Variants in RAP1GAP2 observed in about 807,000 individuals in gnomAD.
The protein encoded by RAP1GAP2 is rap1 GTPase-activating protein 2.
A neutral mutation model predicts 95.0 loss-of-function variants in RAP1GAP2; 27 were observed. That is an observed-to-expected ratio of 0.28 (90% confidence interval 0.21 to 0.39). The LOEUF is 0.39. RAP1GAP2 is among the 10% of genes least tolerant of loss of function. The pLI, the probability that RAP1GAP2 is intolerant of heterozygous loss-of-function variation, is 1.00. For synonymous variants in RAP1GAP2, 373 were observed against 380.9 expected, an observed-to-expected ratio of 0.98 and a Z score of 0.24; for missense variants, 771 against 970.0, an observed-to-expected ratio of 0.79 and a Z score of 2.72.
chr17:2,796,505 C>T lies in RAP1GAP2; in HGVS notation c.-23C>T, dbSNP rs1474591742. On this transcript the variant is annotated 5_prime_UTR_variant, in exon 1 of 25. Transcript: ENST00000254695. This position sits in a 1 kb window ranked among gnomAD's most constrained non-coding sequence, Gnocchi z 4.7. ...GGACGTCGTTGGGACATCGCTGGGA[C>T]CCCGGGCTCTGCAGCCACAACCATG... The T allele has an allele frequency of 1.5e-5, 23 of 1,554,288 alleles. No homozygotes were observed. Among genetic ancestry groups the T allele is most frequent in the Non-Finnish European group, 2.0e-5 (23 of 1,148,774 alleles).
rs77604826 is a variant in RAP1GAP2 at position 2,986,542 on chromosome 17, T to A, written c.813+1476T>A. On this transcript the variant is annotated intron_variant, in intron 11 of 24. Coordinates refer to ENST00000254695, the MANE Select transcript of RAP1GAP2 (RefSeq NM_015085.5). ...TGGAGGAAAAAGCCAAGAAGATAAT[T>A]TTTTTTTTTTTTTTTAAGAACCTAG... 6.8e-3 allele frequency among the ~76,000 whole-genome samples: 1,002 copies of A among 148,000 alleles called. 7 individuals are homozygous for A. Among genetic ancestry groups the A allele is most frequent in the African/African-American group, 0.021 (845 of 40,676 alleles).
rs781757202 is a variant in RAP1GAP2 at position 2,871,483 on chromosome 17, G to A, written c.81-33801G>A. Among the ~76,000 whole-genome samples the A allele has an allele frequency of 3.3e-5, 5 of 152,170 alleles. No individual in the cohort carries two copies. Among genetic ancestry groups the A allele is most frequent in the Non-Finnish European group, 4.4e-5 (3 of 68,020 alleles). On this transcript the variant is annotated intron_variant, in intron 2 of 24. Coordinates refer to ENST00000254695, the MANE Select transcript of RAP1GAP2 (RefSeq NM_015085.5). This position sits in a 1 kb window ranked among gnomAD's most constrained non-coding sequence, Gnocchi z 5.0. ...TTGTGTTACAAGAGTCCTGTCCAGC[G>A]GGAGAGGGGCAGTTCCCTAAAGCAG...
intron 3 of RAP1GAP2, among the ~76,000 whole-genome samples, chr17:2,927,149 G>C (rs1052905828): frequency 6.6e-6 from 1 of 151,416 alleles, no homozygotes; most frequent in Non-Finnish European, 1.5e-5. Flanking sequence ...GGCCAGCCAC[G>C]CTGGAGCAAG....
Position 2,905,289 on chromosome 17 carries a change from A to G in RAP1GAP2, c.86A>G (p.Gln29Arg), listed in dbSNP as rs1200231762. The change falls in exon 3 of 25, where the codon CAG (glutamine) becomes CGG (arginine). Residue 29 changes from glutamine to arginine, a missense_variant. Coordinates refer to ENST00000254695, the MANE Select transcript of RAP1GAP2 (RefSeq NM_015085.5). The stretch of plus-strand genomic sequence containing the variant: ...CTCTTTTGGCCTCTTCACAGGAAGC[A>G]GGAGCTGGCCAACAGCTCGGATGCG... ...TMLASLKVKK[Q>R]ELANSSDATL... 6.2e-7 allele frequency: 1 copy of G among 1,613,598 alleles called. No individual in the cohort carries two copies. The highest frequency in any genetic ancestry group is 8.5e-7 in the Non-Finnish European group (1 of 1,179,722).
chr17:3,031,642 A>AG (rs2047305014), intron 23 of RAP1GAP2, among the ~76,000 whole-genome samples: 1 of 122,442 alleles, frequency 8.2e-6, no homozygotes, highest in Non-Finnish European at 1.7e-5. Flanking sequence ...GAGGTGAGAA[A>AG]GGCTGGTTCC....
At position 2,769,232 on chromosome 17, in the gene RAP1GAP2, TAAAAAAAAAAAAAAAAAAAAAAAAA is replaced by T. The variant is rs58436827; in HGVS notation, c.51-1081_51-1057del. Among the ~76,000 whole-genome samples, 9 of 42,870 alleles carry T rather than the reference TAAAAAAAAAAAAAAAAAAAAAAAAA, an allele frequency of 2.1e-4. No homozygotes were observed. In the South Asian group the frequency reaches 4.8e-3, roughly 23 times the overall value. The allele number at this position is 42,870 out of a possible 152,430, so 28.1% of individuals were successfully genotyped here. ...GGATGAGAAAGTGAAACCATTTCTCTAAAAAAAAAAAAAAAAAAAAAAAAAAAAAAAAAAAAAAAAGGTCTGGGTG... is the reference window on the plus strand; with the variant it reads ...GGATGAGAAAGTGAAACCATTTCTCTAAAAAAAAAAAAAAAGGTCTGGGTG... On this transcript the variant is annotated intron_variant, in intron 1 of 25. Transcript: ENST00000637138.
chr17:2,985,125 T>C, intron 11 of RAP1GAP2, 59 bp downstream of exon 11: 2 of 1,608,002 alleles, frequency 1.2e-6, no homozygotes, highest in East Asian at 2.2e-5. Context: ...TAGGACTCTT[T>C]TTATCCCCAC....
rs1257809304 is a variant in RAP1GAP2 at position 2,980,196 on chromosome 17, G to T, written c.597-91G>T. 4.1e-6 allele frequency: 5 copies of T among 1,228,212 alleles called. No individual in the cohort carries two copies. The East Asian group carries it at 9.9e-5, about 24-fold the overall frequency. 76.1% of individuals were successfully genotyped at this position (1,228,212 alleles called of 1,614,324 possible). A position where few individuals can be genotyped will look rare whatever the true frequency, so the allele number is the denominator to read the frequency against. ...GACCTCAAGTGATCTGCCCTCCTTG[G>T]CCTCCCAAAATGCTGAGATGACAGG... On this transcript the variant is annotated intron_variant, in intron 8 of 24. Transcript: ENST00000254695.
At chr17:3,001,695 A>G (rs892890119) in intron 14 of RAP1GAP2, among the ~76,000 whole-genome samples, 3 of 152,256 alleles carry the variant, frequency 2.0e-5, no homozygotes, top group African/African-American at 7.2e-5. Context: ...CTTTTAATAG[A>G]CAGTTGAAGA....
chr17:2,783,842 T>C (rs546731374), intron 1 of RAP1GAP2, among the ~76,000 whole-genome samples: 11 of 152,324 alleles, frequency 7.2e-5, no homozygotes, highest in African/African-American at 2.6e-4. Flanking sequence ...TTTGGGTCAG[T>C]TCCTCTGCAC....
intron 2 of RAP1GAP2, among the ~76,000 whole-genome samples, chr17:2,877,100 G>T: frequency 6.6e-6 from 1 of 151,840 alleles, no homozygotes; most frequent in Admixed American, 6.6e-5. Flanking sequence ...TGTTGCTCAG[G>T]CTGGTCTCGA....
chr17:2,774,006 C>T (rs373839209), upstream of RAP1GAP2, among the ~76,000 whole-genome samples: 3 of 152,146 alleles, frequency 2.0e-5, no homozygotes, highest in South Asian at 6.2e-4. Context: ...GATCTGCCTG[C>T]CTCGGCCTCC....
rs1001217397 is a variant in RAP1GAP2, at chr17:3,004,579, C to T, written c.1201-790C>T. On this transcript the variant is annotated intron_variant, in intron 14 of 24. Coordinates refer to ENST00000254695, the MANE Select transcript of RAP1GAP2 (RefSeq NM_015085.5). This position sits in a 1 kb window ranked among gnomAD's most constrained non-coding sequence, Gnocchi z 4.1. ...AAGGCGGGGTGTGGGGCCCGTCCCA[C>T]GCCTGGGCGACCCCCATGCAGCGAA... is the stretch of plus-strand genomic sequence containing the variant. Among the ~76,000 whole-genome samples the T allele has an allele frequency of 5.3e-5, 8 of 152,242 alleles. No homozygotes were observed. The highest frequency in any genetic ancestry group is 7.3e-5 in the Non-Finnish European group (5 of 68,054).
intron 14 of RAP1GAP2, among the ~76,000 whole-genome samples, chr17:2,998,913 T>C (rs567123654): frequency 1.3e-5 from 2 of 152,270 alleles, no homozygotes; most frequent in African/African-American, 4.8e-5. Context: ...AGGGTAGCGA[T>C]AGAAGGGTGC....
At chr17:2,775,897 G>T (rs1233391408), upstream of RAP1GAP2, among the ~76,000 whole-genome samples, 1 of 152,224 alleles carries the variant, frequency 6.6e-6, no homozygotes, top group East Asian at 1.9e-4. Context: ...GAAAGTTCCA[G>T]GCCGAGCGCG....
rs1446049048 is a variant in RAP1GAP2 at position 2,855,770 on chromosome 17, G to A, written c.81-49514G>A. Among the ~76,000 whole-genome samples, 12 of 152,152 alleles carry A rather than the reference G, an allele frequency of 7.9e-5. No individual in the cohort carries two copies. The highest frequency in any genetic ancestry group is 1.2e-4 in the Non-Finnish European group (8 of 68,000). On this transcript the variant is annotated intron_variant, in intron 2 of 24. Coordinates refer to ENST00000254695, the MANE Select transcript of RAP1GAP2 (RefSeq NM_015085.5). This position sits in a 1 kb window ranked among gnomAD's most constrained non-coding sequence, Gnocchi z 4.3. ...TGGGACTACAAGTACCCACCACCAC[G>A]CCCAGCTAATTTTTTGTATTTTAGT...
rs1319024092 is a variant in RAP1GAP2 at position 2,781,768 on chromosome 17, GTCTGTGTGTGCACGTT to G, written c.-14+4506_-14+4521del. Among the ~76,000 whole-genome samples, 10 of 136,188 alleles carry G rather than the reference GTCTGTGTGTGCACGTT, an allele frequency of 7.3e-5. 1 individual carries two copies. Among genetic ancestry groups the G allele is most frequent in the Admixed American group, 3.8e-4 (5 of 13,100 alleles). 89.3% of individuals were successfully genotyped at this position (136,188 alleles called of 152,430 possible). On this transcript the variant is annotated intron_variant, in intron 1 of 24. Transcript: ENST00000540393. ...TGTGAGTACGTCTCTGTGTGTGCAC[GTCTGTGTGTGCACGTT>G]TCTGTGTGTGCACGTCTGTGTGTGC...
chr17:2,791,443 C>T (rs1187276070), upstream of RAP1GAP2, among the ~76,000 whole-genome samples: 1 of 152,194 alleles, frequency 6.6e-6, no homozygotes, highest in Admixed American at 6.5e-5. Flanking sequence ...TTATTCTCTC[C>T]CCAGTGATGA....
chr17:2,759,104 T>C (rs1006433562), intron 1 of RAP1GAP2, among the ~76,000 whole-genome samples: 1 of 152,126 alleles, frequency 6.6e-6, no homozygotes, highest in Non-Finnish European at 1.5e-5. Context: ...CCTCCCAAAG[T>C]GCTGGGGCTA....
Sources: gnomAD v4.1 joint callset for allele counts (sites outside exome capture counted in the v4.1 genomes callset) on GRCh38, gnomAD v4.1.1 for gene constraint, Gnocchi (gnomAD v3.1) non-coding constraint, MANE v1.5 for transcripts, NCBI Gene and HGNC (gene_info 2026-07-23, HGNC 2026-07-21) for gene names.